Variants in ATP8B1 observed in about 807,000 individuals in gnomAD.
The protein encoded by ATP8B1 is ATPase phospholipid transporting 8B1.
ATP8B1 carries 80 observed loss-of-function variants against 149.9 expected under a neutral mutation model. The ratio of observed to expected loss-of-function variants is 0.53; its 90% CI spans 0.45 to 0.64. The LOEUF is 0.64. Among genes scored for constraint, ATP8B1 ranks in the 30% least tolerant of loss-of-function variants. The probability of loss-of-function intolerance (pLI) is 0.00; values close to 1 mark genes in which losing one functional copy is unlikely to be tolerated. For synonymous variants in ATP8B1, 536 were observed against 562.8 expected, an observed-to-expected ratio of 0.95 and a Z score of 0.67; for missense variants, 1,247 against 1,552.6, an observed-to-expected ratio of 0.80 and a Z score of 3.31.
At chr18:57,762,547 G>A (rs2039033384) in intron 1 of ATP8B1, among the ~76,000 whole-genome samples, 1 of 152,130 alleles carries the variant, frequency 6.6e-6, no homozygotes, top group Non-Finnish European at 1.5e-5. Context: ...TGACACACAT[G>A]GTACCTAGTT....
At chr18:57,658,017 A>G (rs1413118797) in intron 22 of ATP8B1, among the ~76,000 whole-genome samples, 3 of 151,980 alleles carry the variant, frequency 2.0e-5, no homozygotes, top group Non-Finnish European at 4.4e-5. Context: ...CTTAACAAAA[A>G]GAATATTTCC....
chr18:57,756,526 C>G (rs1344230069), intron 1 of ATP8B1, among the ~76,000 whole-genome samples: 1 of 152,004 alleles, frequency 6.6e-6, no homozygotes, highest in Non-Finnish European at 1.5e-5. Context: ...GTCTCGAACT[C>G]CTGACCTCAG....
chr18:57,671,019 C>T lies in ATP8B1; in HGVS notation c.1932+449G>A, dbSNP rs74366477. Among the ~76,000 whole-genome samples the T allele has an allele frequency of 9.7e-3, 1,471 of 152,306 alleles. 48 individuals are homozygous for T. Among genetic ancestry groups the T allele is most frequent in the East Asian group, 0.061 (315 of 5,184 alleles). ...ACACCAAATACTCAATCAGTTGAAC[C>T]GCTTCTGCCATCTTGGCTAGACAAG... On this transcript the variant is annotated intron_variant, in intron 17 of 27. Transcript: ENST00000648908.
At chr18:57,799,634 G>A (rs1485392842) in intron 1 of ATP8B1, among the ~76,000 whole-genome samples, 1 of 150,786 alleles carries the variant, frequency 6.6e-6, no homozygotes, top group Non-Finnish European at 1.5e-5. Flanking sequence ...GCTTGAACCA[G>A]CGAAGAGGAG....
intron 20 of ATP8B1, among the ~76,000 whole-genome samples, chr18:57,663,298 G>A (rs969778492): frequency 2.0e-5 from 3 of 152,068 alleles, no homozygotes; most frequent in African/African-American, 7.3e-5. Context: ...ATTCCATTAT[G>A]TGGAAGCACC....
At chr18:57,788,758 G>A (rs2080433924) in intron 1 of ATP8B1, among the ~76,000 whole-genome samples, 1 of 152,070 alleles carries the variant, frequency 6.6e-6, no homozygotes, top group Non-Finnish European at 1.5e-5. Context: ...ACTATAAAGT[G>A]CTTTAAAAAT....
At chr18:57,766,814 ATAC>A (rs1466998912) in intron 1 of ATP8B1, among the ~76,000 whole-genome samples, 1 of 152,208 alleles carries the variant, frequency 6.6e-6, no homozygotes, top group Non-Finnish European at 1.5e-5. Context: ...CCCAGTATAC[ATAC>A]TAGGTAATGC....
At chr18:57,799,704 CAAA>C (rs4059219) in intron 1 of ATP8B1, among the ~76,000 whole-genome samples, 51 of 110,998 alleles carry the variant, frequency 4.6e-4, no homozygotes, top group East Asian at 1.3e-3. Flanking sequence ...GACTCTGTCT[CAAA>C]AAAAAAAAAA....
Position 57,647,669 on chromosome 18 carries a change from G to A in ATP8B1, c.*819C>T, listed in dbSNP as rs1422858292. ...ACATGCTTTGTAATTCTATTGCCCT[G>A]GATTGAGACTGGATTAAAACGTTCC... On this transcript the variant is annotated 3_prime_UTR_variant, in exon 28 of 28. Transcript: ENST00000648908. 1.3e-5 allele frequency: 2 copies of A among 152,538 alleles called. No homozygotes were observed. Among genetic ancestry groups the A allele is most frequent in the Non-Finnish European group, 1.5e-5 (1 of 68,068 alleles). 9.4% of individuals were successfully genotyped at this position (152,538 alleles called of 1,614,324 possible).
intron 26 of ATP8B1, among the ~76,000 whole-genome samples, chr18:57,651,429 G>T (rs1313848184): frequency 1.3e-5 from 2 of 152,054 alleles, no homozygotes; most frequent in East Asian, 3.9e-4. Context: ...TTATGGGAAA[G>T]AAAGAATAGG....
chr18:57,687,201 T>C (rs1260413260), intron 13 of ATP8B1, among the ~76,000 whole-genome samples: 2 of 152,218 alleles, frequency 1.3e-5, no homozygotes, highest in East Asian at 3.8e-4. Flanking sequence ...CTGTTTCATC[T>C]TGCAAAATTG....
rs182207740 is a variant in ATP8B1, at chr18:57,661,752, G to T, written c.2419-290C>A. On this transcript the variant is annotated intron_variant, in intron 21 of 27. Transcript: ENST00000648908. The stretch of plus-strand genomic sequence containing the variant: ...TTTTTTTGAGATGGAGTCTCACTCT[G>T]TTGCCAGGCTGGAATGCAGTGGCAC... Among the ~76,000 whole-genome samples the T allele has an allele frequency of 3.1e-5, 4 of 129,272 alleles. No individual in the cohort carries two copies. In the East Asian group the frequency reaches 8.6e-4, roughly 28 times the overall value. The allele number at this position is 129,272 out of a possible 152,430, so 84.8% of individuals were successfully genotyped here.
chr18:57,685,249 G>A, intron 13 of ATP8B1, 134 bp from the exon 14 acceptor site: 1 of 974,760 alleles, frequency 1.0e-6, no homozygotes, highest in Non-Finnish European at 1.6e-6. Flanking sequence ...TTATTATCTG[G>A]CACTTTACAG....
chr18:57,790,071 A>G (rs1380961940), intron 1 of ATP8B1, among the ~76,000 whole-genome samples: 4 of 152,104 alleles, frequency 2.6e-5, no homozygotes, highest in African/African-American at 9.7e-5. Flanking sequence ...TGATGCCATC[A>G]CCTTTAGTCG....
At chr18:57,741,536 C>G (rs1407597453) in intron 1 of ATP8B1, among the ~76,000 whole-genome samples, 1 of 152,214 alleles carries the variant, frequency 6.6e-6, no homozygotes, top group African/African-American at 2.4e-5. Flanking sequence ...GAGACATCAG[C>G]TGGGCTGGCA....
intron 1 of ATP8B1, among the ~76,000 whole-genome samples, chr18:57,744,177 T>G (rs995722934): frequency 1.3e-5 from 2 of 151,660 alleles, no homozygotes; most frequent in African/African-American, 4.8e-5. Flanking sequence ...TAGCCAGGCA[T>G]GGTGGTGTGT....
chr18:57,654,045 A>G lies in ATP8B1; in HGVS notation c.2962T>C (p.Tyr988His), dbSNP rs1175871600. ...GGCAGGCTGGTGTACAGCACGTTGT[A>G]GAGGGTGATGAACCAATCCTCGTAT... Reference protein sequence around the residue: ...TAYEDWFITLYNVLYTSLPVL... With the variant: ...TAYEDWFITLHNVLYTSLPVL... The change falls in exon 24 of 28, where the codon TAC becomes CAC. Residue 988 changes from tyrosine (Y) to histidine (H), a missense_variant. Physicochemically the swap from Tyr to His is moderately conservative, Grantham distance 83 (BLOSUM62 2). Around this residue, in one of 3 missense-constraint regions of ATP8B1, gnomAD observed 230 missense variants for 356.6 expected, o/e 0.65. Transcript: ENST00000648908. 1 of 1,614,092 alleles carries G rather than the reference A, an allele frequency of 6.2e-7. No individual in the cohort carries two copies. The highest frequency in any genetic ancestry group is 8.5e-7 in the Non-Finnish European group (1 of 1,180,002).
At chr18:57,758,335 G>A (rs1170902044) in intron 1 of ATP8B1, among the ~76,000 whole-genome samples, 1 of 151,986 alleles carries the variant, frequency 6.6e-6, no homozygotes, top group African/African-American at 2.4e-5. Context: ...TCCGTCCTGT[G>A]TGTTTTACAA....
intron 1 of ATP8B1, among the ~76,000 whole-genome samples, chr18:57,800,394 C>T (rs57638473): frequency 5.2e-4 from 79 of 152,274 alleles, no homozygotes; most frequent in African/African-American, 1.9e-3. Flanking sequence ...GCAAGTTCCT[C>T]TGCATTCATG....
Sources: gnomAD v4.1 joint callset for allele counts (sites outside exome capture counted in the v4.1 genomes callset) on GRCh38, gnomAD v4.1.1 for gene constraint, gnomAD v4.1.1 regional missense constraint, MANE v1.5 for transcripts, NCBI Gene and HGNC (gene_info 2026-07-23, HGNC 2026-07-21) for gene names.